The following DGKH variants were observed in gnomAD, a reference collection of about 807,000 sequenced individuals.
The protein encoded by DGKH is diacylglycerol kinase eta.
Under a neutral mutation model 159.3 loss-of-function variants are expected in DGKH, and 90 were observed. That is an observed-to-expected ratio of 0.57 (90% CI 0.48 to 0.67). The LOEUF (loss-of-function observed/expected upper bound fraction) is 0.67, where lower values mean the gene tolerates loss of function less well. DGKH is among the 30% of genes least tolerant of loss of function. The pLI, the probability that DGKH is intolerant of heterozygous loss-of-function variation, is 0.00. For synonymous variants in DGKH, 536 were observed against 553.8 expected (o/e 0.97, Z 0.45); for missense variants, 1,181 against 1,506.1 (o/e 0.78, Z 3.57).
intron 1 of DGKH, among the ~76,000 whole-genome samples, chr13:42,051,089 T>C (rs780978271): frequency 6.6e-6 from 1 of 152,256 alleles, no homozygotes; most frequent in Non-Finnish European, 1.5e-5. Context: ...TATATGCTTA[T>C]GGAGACTACA....
At chr13:42,094,549 A>G (rs1170195) in intron 1 of DGKH, among the ~76,000 whole-genome samples, 60,316 of 152,054 alleles carry the variant, frequency 0.4, 12,575 homozygotes, top group African/African-American at 0.51. Context: ...TTTCACAAAG[A>G]GTTTACATTT....
intron 1 of DGKH, among the ~76,000 whole-genome samples, chr13:42,094,001 CAT>C (rs1301970211): frequency 1.3e-5 from 2 of 149,766 alleles, no homozygotes; most frequent in Non-Finnish European, 3.0e-5. Context: ...TAAATTTTGT[CAT>C]GTGTATTTTC....
chr13:42,070,090 A>G (rs764476741), intron 1 of DGKH: 45 of 960,248 alleles, frequency 4.7e-5, no homozygotes, highest in South Asian at 4.4e-4. Context: ...TTCATCTTCA[A>G]TATGAAAAGG....
intron 1 of DGKH, among the ~76,000 whole-genome samples, chr13:42,089,248 A>G (rs1295098734): frequency 2.0e-5 from 3 of 152,228 alleles, no homozygotes; most frequent in South Asian, 2.1e-4. Flanking sequence ...AACATCATTA[A>G]CTAACTTGAC....
chr13:42,246,529 C>G (rs761593555), downstream of DGKH, among the ~76,000 whole-genome samples: 5 of 152,128 alleles, frequency 3.3e-5, no homozygotes, highest in African/African-American at 1.2e-4. Context: ...ATACCAACCC[C>G]GTGAGTTTAT....
chr13:42,235,362 T>C lies in DGKH; in HGVS notation c.*6174T>C, dbSNP rs1235863945. 1 of 152,198 alleles carries C rather than the reference T, an allele frequency of 6.6e-6. No homozygotes were observed. Among genetic ancestry groups the C allele is most frequent in the Admixed American group, 6.5e-5 (1 of 15,272 alleles). 9.4% of individuals were successfully genotyped at this position (152,198 alleles called of 1,614,324 possible). ...AATATTTCATTTTAGCTACAAGTTATTCATTGCATAGGATTTTATAAATAG... is the reference window on the plus strand; with the variant it reads ...AATATTTCATTTTAGCTACAAGTTACTCATTGCATAGGATTTTATAAATAG... On this transcript the variant is annotated 3_prime_UTR_variant, in exon 30 of 30. Coordinates refer to ENST00000337343, the MANE Select transcript of DGKH (RefSeq NM_178009.5).
Position 42,212,654 on chromosome 13 carries a change from C to T in DGKH, c.3015-1853C>T, listed in dbSNP as rs556933963. Among the ~76,000 whole-genome samples the T allele has an allele frequency of 2.0e-5, 3 of 152,320 alleles. No individual in the cohort carries two copies. In the South Asian group the frequency reaches 6.2e-4, roughly 32 times the overall value. ...AATTTTGCAGATGAAATCAGGCTCA[C>T]TTGTCTATTTTCAGAATTTATTCAT... On this transcript the variant is annotated intron_variant, in intron 24 of 29. Coordinates refer to ENST00000337343, the MANE Select transcript of DGKH (RefSeq NM_178009.5).
At chr13:42,165,579 C>T (rs1956291789) in intron 8 of DGKH, 146 bp downstream of exon 8, 6 of 472,166 alleles carry the variant, frequency 1.3e-5, no homozygotes, top group Non-Finnish European at 1.8e-5. Flanking sequence ...GCTGAAAGTA[C>T]ATTCCATTTT....
intron 1 of DGKH, chr13:42,070,334 CAT>C: frequency 5.7e-6 from 8 of 1,393,874 alleles, no homozygotes; most frequent in Non-Finnish European, 8.2e-6. Context: ...CGATCTTCCT[CAT>C]GTGCAACAGG....
chr13:42,201,238 G>C (rs1002674677), intron 20 of DGKH, among the ~76,000 whole-genome samples: 1 of 152,066 alleles, frequency 6.6e-6, no homozygotes, highest in South Asian at 2.1e-4. Context: ...TGGTCTGCCC[G>C]CCTCGGCCTT....
intron 1 of DGKH, among the ~76,000 whole-genome samples, chr13:42,056,789 C>G (rs1340153578): frequency 1.3e-5 from 2 of 152,120 alleles, no homozygotes; most frequent in African/African-American, 4.8e-5. Context: ...CTCCTTACTT[C>G]TCTTGGCCTC....
intron 30 of DGKH, among the ~76,000 whole-genome samples, chr13:42,254,433 A>G (rs1958642791): frequency 6.6e-6 from 1 of 152,076 alleles, no homozygotes; most frequent in Admixed American, 6.5e-5. Context: ...GGAGTTCAAG[A>G]CCAGCCTGGC....
intron 3 of DGKH, among the ~76,000 whole-genome samples, chr13:42,141,255 G>A (rs9315893): frequency 0.23 from 34,987 of 151,256 alleles, 4,331 homozygotes; most frequent in Middle Eastern, 0.31. Context: ...TGGCTGCATA[G>A]TATTCCATGG....
In DGKH at chr13:42,233,871, T is replaced by TA. The variant is rs1437130808; in HGVS notation, c.*4683_*4684insA. The TA allele has an allele frequency of 1.3e-5, 2 of 152,246 alleles. No individual in the cohort carries two copies. Among genetic ancestry groups the TA allele is most frequent in the Non-Finnish European group, 2.9e-5 (2 of 68,044 alleles). 9.4% of individuals were successfully genotyped at this position (152,246 alleles called of 1,614,324 possible). A position where few individuals can be genotyped will look rare whatever the true frequency, so the allele number is the denominator to read the frequency against. On this transcript the variant is annotated 3_prime_UTR_variant, in exon 30 of 30. Coordinates refer to ENST00000337343, the MANE Select transcript of DGKH (RefSeq NM_178009.5). Reference sequence around the variant, plus strand: ...ATTTTCATTTTCTCTTATCAGTAGATTGTCCTTGTTGACATAGCTCATGCA... The same window carrying TA: ...ATTTTCATTTTCTCTTATCAGTAGATATGTCCTTGTTGACATAGCTCATGCA...
chr13:42,151,609 A>ACCCCCC (rs1566134893), intron 3 of DGKH, among the ~76,000 whole-genome samples: 1 of 103,730 alleles, frequency 9.6e-6, no homozygotes, highest in East Asian at 7.0e-4. Context: ...ACACACACAC[A>ACCCCCC]CACACCCCAT....
intron 11 of DGKH, 62 bp from the exon 12 acceptor site, chr13:42,173,998 G>C: frequency 8.2e-7 from 1 of 1,212,470 alleles, no homozygotes; most frequent in Non-Finnish European, 1.2e-6. Context: ...TTTATGAGAT[G>C]CTAACAGTTA....
intron 13 of DGKH, among the ~76,000 whole-genome samples, chr13:42,181,024 C>A (rs1339494326): frequency 2.6e-5 from 4 of 152,050 alleles, no homozygotes; most frequent in Non-Finnish European, 5.9e-5. Flanking sequence ...CGCTTGTAAT[C>A]CCAGCACTTT....
chr13:42,256,354 G>T, exon 31 of DGKH: 7 of 1,588,162 alleles, frequency 4.4e-6, no homozygotes, highest in Non-Finnish European at 6.1e-6. Flanking sequence ...TGATGAATGA[G>T]TCTCAAATGT....
intron 17 of DGKH, among the ~76,000 whole-genome samples, chr13:42,197,479 C>T (rs773271705): frequency 2.0e-5 from 3 of 151,926 alleles, no homozygotes; most frequent in Non-Finnish European, 2.9e-5. Flanking sequence ...TGATAATTGC[C>T]TAAACATTAA....
Sources: gnomAD v4.1 joint callset for allele counts (sites outside exome capture counted in the v4.1 genomes callset) on GRCh38, gnomAD v4.1.1 for gene constraint, MANE v1.5 for transcripts, NCBI Gene and HGNC (gene_info 2026-07-23, HGNC 2026-07-21) for gene names.